Variants in THSD7A observed in about 807,000 individuals in gnomAD.
The protein encoded by THSD7A is thrombospondin type-1 domain-containing protein 7A.
THSD7A carries 96 observed loss-of-function variants against 231.3 expected under a neutral mutation model. The observed-to-expected ratio is 0.41, with a 90% CI of 0.35 to 0.49. The LOEUF (loss-of-function observed/expected upper bound fraction) is 0.49, where lower values mean the gene tolerates loss of function less well. THSD7A is among the 20% of genes least tolerant of loss of function. The pLI, the probability that THSD7A is intolerant of heterozygous loss-of-function variation, is 0.05. For synonymous variants in THSD7A, 940 were observed against 743.3 expected (o/e 1.26, Z -4.30); for missense variants, 2,290 against 2,070.2 (o/e 1.11, Z -2.06).
At chr7:11,378,444 T>C (rs1782368488) in intron 26 of THSD7A, among the ~76,000 whole-genome samples, 1 of 152,220 alleles carries the variant, frequency 6.6e-6, no homozygotes, top group Non-Finnish European at 1.5e-5. Flanking sequence ...TGTATTGGCT[T>C]TGCATTTATT....
intron 1 of THSD7A, among the ~76,000 whole-genome samples, chr7:11,690,709 C>T (rs955394291): frequency 2.6e-5 from 4 of 151,666 alleles, no homozygotes; most frequent in African/African-American, 9.7e-5. Flanking sequence ...CATACTTTCT[C>T]GAATTTCCTC....
At chr7:11,642,672 T>G (rs1264887663) in intron 1 of THSD7A, among the ~76,000 whole-genome samples, 1 of 152,190 alleles carries the variant, frequency 6.6e-6, no homozygotes, top group Non-Finnish European at 1.5e-5. Context: ...GGAATCAATG[T>G]AAAATTATGC....
At chr7:11,592,310 C>T (rs1448119273) in intron 3 of THSD7A, among the ~76,000 whole-genome samples, 1 of 152,114 alleles carries the variant, frequency 6.6e-6, no homozygotes, top group African/African-American at 2.4e-5. Flanking sequence ...TAATTTGCCT[C>T]CCCACTGGTT....
chr7:11,374,687 C>G lies in THSD7A; in HGVS notation c.*1107G>C, dbSNP rs1782195492. 1.3e-5 allele frequency: 2 copies of G among 151,064 alleles called. No homozygotes were observed. Among genetic ancestry groups the G allele is most frequent in the South Asian group, 4.2e-4 (2 of 4,780 alleles). The allele number at this position is 151,064 out of a possible 1,614,324, so 9.4% of individuals were successfully genotyped here. A position where few individuals can be genotyped will look rare whatever the true frequency, so the allele number is the denominator to read the frequency against. On this transcript the variant is annotated 3_prime_UTR_variant, in exon 28 of 28. Coordinates refer to ENST00000423059, the MANE Select transcript of THSD7A (RefSeq NM_015204.3). ...CTAGTCATAAACAGCCTTCAAAGAA[C>G]AATTACAAACCAACTAGAGGAATCC...
At chr7:11,604,816 G>C (rs1439840066) in intron 2 of THSD7A, among the ~76,000 whole-genome samples, 7 of 152,116 alleles carry the variant, frequency 4.6e-5, no homozygotes. Context: ...CCAGTAGGCA[G>C]AAATGTTGAG....
intron 1 of THSD7A, among the ~76,000 whole-genome samples, chr7:11,801,678 C>T (rs1480316990): frequency 2.0e-5 from 3 of 152,056 alleles, no homozygotes; most frequent in Non-Finnish European, 4.4e-5. Context: ...AAAAAGAATA[C>T]ATTTTGTTTA....
intron 1 of THSD7A, among the ~76,000 whole-genome samples, chr7:11,670,044 T>C (rs1481074439): frequency 6.6e-6 from 1 of 152,088 alleles, no homozygotes; most frequent in Non-Finnish European, 1.5e-5. Context: ...ATAAAAACAA[T>C]ATAAGTTGCA....
At position 11,593,307 on chromosome 7, in the gene THSD7A, A is replaced by T; in HGVS notation, c.1218T>A (p.Phe406Leu). ...GAGACAAACAGGGTTCTTTTTCTTCAAATTCTGGACACTCCTTTTCACTGC... is the reference window on the plus strand; with the variant it reads ...GAGACAAACAGGGTTCTTTTTCTTCTAATTCTGGACACTCCTTTTCACTGC... ...PIGSEKECPE[F>L]EEKEPCLSQG... Residue 406 changes from phenylalanine to leucine, a missense_variant, in exon 3 of 28, where the codon TTT becomes TTA. Transcript: ENST00000423059. 6.2e-7 allele frequency: 1 copy of T among 1,613,928 alleles called. No homozygotes were observed. The highest frequency in any genetic ancestry group is 8.5e-7 in the Non-Finnish European group (1 of 1,179,882).
chr7:11,564,419 G>T (rs1321578515), intron 4 of THSD7A, among the ~76,000 whole-genome samples: 1 of 152,174 alleles, frequency 6.6e-6, no homozygotes, highest in Non-Finnish European at 1.5e-5. Context: ...CAAGTTAGGA[G>T]GATATTTGAG....
chr7:11,408,902 G>A (rs1306430316), intron 19 of THSD7A, among the ~76,000 whole-genome samples: 7 of 152,168 alleles, frequency 4.6e-5, no homozygotes, highest in Non-Finnish European at 1.0e-4. Context: ...GTTGGAGATA[G>A]GAATCTTGAG....
At chr7:11,629,735 C>T (rs1485235446) in intron 2 of THSD7A, among the ~76,000 whole-genome samples, 5 of 152,152 alleles carry the variant, frequency 3.3e-5, no homozygotes, top group Non-Finnish European at 5.9e-5. Flanking sequence ...TAGAAATTCA[C>T]CCTGATGTTT....
At chr7:11,477,669 A>T (rs1221619647) in intron 7 of THSD7A, among the ~76,000 whole-genome samples, 1 of 152,062 alleles carries the variant, frequency 6.6e-6, no homozygotes, top group Non-Finnish European at 1.5e-5. Context: ...TGGCCTTTTG[A>T]CAATTCTCTT....
At chr7:11,639,990 G>A (rs1452697083) in intron 1 of THSD7A, among the ~76,000 whole-genome samples, 1 of 152,140 alleles carries the variant, frequency 6.6e-6, no homozygotes, top group African/African-American at 2.4e-5. Context: ...AATAAAAGTA[G>A]AAGATGGTTG....
At chr7:11,664,657 C>G (rs759736449) in intron 1 of THSD7A, among the ~76,000 whole-genome samples, 1 of 151,860 alleles carries the variant, frequency 6.6e-6, no homozygotes, top group Non-Finnish European at 1.5e-5. Context: ...ATGACAGATA[C>G]ATACTTTCCA....
chr7:11,417,421 T>G, intron 17 of THSD7A, 29 bp downstream of exon 17: 1 of 1,541,584 alleles, frequency 6.5e-7, no homozygotes, highest in East Asian at 2.3e-5. Context: ...AAATAAACTC[T>G]ACATTAATAA....
At chr7:11,431,991 C>T (rs1231003019) in intron 13 of THSD7A, among the ~76,000 whole-genome samples, 1 of 152,072 alleles carries the variant, frequency 6.6e-6, no homozygotes, top group Non-Finnish European at 1.5e-5. Flanking sequence ...GTCAGACCAC[C>T]TTTAAACCAA....
At chr7:11,788,051 G>A (rs543916083) in intron 1 of THSD7A, among the ~76,000 whole-genome samples, 16 of 151,918 alleles carry the variant, frequency 1.1e-4, no homozygotes, top group Admixed American at 7.2e-4. Flanking sequence ...CTACAAGGTT[G>A]GTCTTTTTTG....
intron 1 of THSD7A, among the ~76,000 whole-genome samples, chr7:11,712,741 G>A (rs987463424): frequency 7.3e-5 from 11 of 150,858 alleles, no homozygotes; most frequent in East Asian, 3.9e-4. Context: ...TCACCTTCAA[G>A]TAACAGTTGA....
chr7:11,530,570 T>C (rs1021087543), intron 6 of THSD7A, among the ~76,000 whole-genome samples: 1 of 152,076 alleles, frequency 6.6e-6, no homozygotes, highest in Non-Finnish European at 1.5e-5. Context: ...AAACTGTAAA[T>C]GATTATATTC....
Sources: gnomAD v4.1 joint callset for allele counts (sites outside exome capture counted in the v4.1 genomes callset) on GRCh38, gnomAD v4.1.1 for gene constraint, MANE v1.5 for transcripts, NCBI Gene and HGNC (gene_info 2026-07-23, HGNC 2026-07-21) for gene names.